The following ST8SIA2 variants were observed in gnomAD, a reference collection of about 807,000 sequenced individuals.
The protein encoded by ST8SIA2 is ST8 alpha-N-acetyl-neuraminide alpha-2,8-sialyltransferase 2, also known as alpha-2,8-sialyltransferase 8B.
A neutral mutation model predicts 37.6 loss-of-function variants in ST8SIA2; 22 were observed. That is an observed-to-expected ratio of 0.58 (90% CI 0.42 to 0.83). ST8SIA2 has a LOEUF of 0.83. Among genes scored for constraint, ST8SIA2 ranks in the 40% least tolerant of loss-of-function variants. The pLI, the probability that ST8SIA2 is intolerant of heterozygous loss-of-function variation, is 0.00. For missense variants in ST8SIA2, 382 were observed against 484.7 expected (o/e 0.79, Z 1.99); for synonymous variants, 205 against 201.2 (o/e 1.02, Z -0.16).
chr15:92,444,301 A>G (rs754580047), intron 4 of ST8SIA2, among the ~76,000 whole-genome samples: 6 of 152,188 alleles, frequency 3.9e-5, no homozygotes, highest in Non-Finnish European at 8.8e-5. Context: ...CTAATGGGCC[A>G]GATCACTCTT....
At chr15:92,403,644 C>T (rs2049486949) in intron 1 of ST8SIA2, among the ~76,000 whole-genome samples, 1 of 152,044 alleles carries the variant, frequency 6.6e-6, no homozygotes, top group Non-Finnish European at 1.5e-5. Context: ...TTGGTAACTG[C>T]CAGAGTAGCT....
At chr15:92,441,082 G>A (rs1382398406) in intron 4 of ST8SIA2, among the ~76,000 whole-genome samples, 1 of 152,180 alleles carries the variant, frequency 6.6e-6, no homozygotes, top group African/African-American at 2.4e-5. Context: ...CCTGATGGAG[G>A]TTTCTGTCTC....
At chr15:92,450,680 C>T (rs2049875403) in intron 5 of ST8SIA2, among the ~76,000 whole-genome samples, 1 of 152,234 alleles carries the variant, frequency 6.6e-6, no homozygotes, top group Non-Finnish European at 1.5e-5. Flanking sequence ...ATGGTGCTAA[C>T]CCATTCACAA....
chr15:92,418,705 A>G (rs976054214), intron 1 of ST8SIA2, among the ~76,000 whole-genome samples: 2 of 152,116 alleles, frequency 1.3e-5, no homozygotes, highest in Admixed American at 1.3e-4. Flanking sequence ...TTGAAAATAT[A>G]TATGTATATA....
intron 5 of ST8SIA2, among the ~76,000 whole-genome samples, chr15:92,462,419 TC>T (rs2049963791): frequency 6.6e-6 from 1 of 152,192 alleles, no homozygotes; most frequent in Non-Finnish European, 1.5e-5. Flanking sequence ...TTTATGGGTT[TC>T]CTTTTATGAG....
At chr15:92,418,830 G>A (rs2049608993) in intron 1 of ST8SIA2, among the ~76,000 whole-genome samples, 1 of 152,168 alleles carries the variant, frequency 6.6e-6, no homozygotes, top group South Asian at 2.1e-4. Flanking sequence ...GGAACAGTAG[G>A]ATCAAGGAGG....
chr15:92,457,442 G>C (rs1285004514), intron 5 of ST8SIA2, among the ~76,000 whole-genome samples: 2 of 152,172 alleles, frequency 1.3e-5, no homozygotes, highest in East Asian at 3.8e-4. Context: ...ATTTGGGGTA[G>C]CCAATTTGAA....
In ST8SIA2 at chr15:92,425,444, A is replaced by G. The variant is rs145174547; in HGVS notation, c.99-4605A>G. Among the ~76,000 whole-genome samples the G allele has an allele frequency of 1.4e-4, 21 of 152,334 alleles. No homozygotes were observed. In the East Asian group the frequency reaches 1.9e-3, roughly 14 times the overall value. On this transcript the variant is annotated intron_variant, in intron 1 of 5. Coordinates refer to ENST00000268164, the MANE Select transcript of ST8SIA2 (RefSeq NM_006011.4). ...GCCTGATTTGCTTCACTGAGTCCCA[A>G]TGGGGCAAAGCACTGTGCAAGGCTA...
At chr15:92,445,598 T>TG (rs1468722350) in intron 5 of ST8SIA2, among the ~76,000 whole-genome samples, 1 of 152,168 alleles carries the variant, frequency 6.6e-6, no homozygotes, top group African/African-American at 2.4e-5. Flanking sequence ...CTCTCTAAGA[T>TG]GGAGGGGAAC....
chr15:92,448,441 C>T (rs1410907439), intron 5 of ST8SIA2, among the ~76,000 whole-genome samples: 1 of 152,194 alleles, frequency 6.6e-6, no homozygotes, highest in Non-Finnish European at 1.5e-5. Flanking sequence ...TACAAAGTCA[C>T]ACGAGAAAAG....
chr15:92,440,617 C>T (rs1445138723), intron 4 of ST8SIA2, among the ~76,000 whole-genome samples: 2 of 152,162 alleles, frequency 1.3e-5, no homozygotes, highest in African/African-American at 4.8e-5. Flanking sequence ...TGGGGTGGAC[C>T]TGTGGGGTGT....
intron 1 of ST8SIA2, among the ~76,000 whole-genome samples, chr15:92,413,995 A>G (rs530261857): frequency 2.0e-5 from 3 of 152,322 alleles, no homozygotes; most frequent in Non-Finnish European, 4.4e-5. Flanking sequence ...GGCCCAGCCC[A>G]AAGTGGGAGT....
chr15:92,420,113 C>A (rs753483324), intron 1 of ST8SIA2, among the ~76,000 whole-genome samples: 3 of 152,182 alleles, frequency 2.0e-5, no homozygotes, highest in Non-Finnish European at 4.4e-5. Flanking sequence ...GATCTGCCTG[C>A]CTTGGCCTCC....
chr15:92,401,469 C>T (rs559312313), intron 1 of ST8SIA2, among the ~76,000 whole-genome samples: 1 of 152,342 alleles, frequency 6.6e-6, no homozygotes, highest in Admixed American at 6.5e-5. Flanking sequence ...TCAGCTTTGG[C>T]TGTCACTGAC....
At chr15:92,462,732 TG>T (rs1414884819) in intron 5 of ST8SIA2, among the ~76,000 whole-genome samples, 1 of 152,224 alleles carries the variant, frequency 6.6e-6, no homozygotes, top group Non-Finnish European at 1.5e-5. Flanking sequence ...GAATTGTGTC[TG>T]GTCTAGAGAC....
intron 5 of ST8SIA2, among the ~76,000 whole-genome samples, chr15:92,458,854 A>G (rs1456553184): frequency 6.6e-6 from 1 of 152,212 alleles, no homozygotes; most frequent in East Asian, 1.9e-4. Context: ...TAAGCACAAT[A>G]AGAGAAGTAG....
chr15:92,417,650 T>C (rs537705249), intron 1 of ST8SIA2: 1 of 152,318 alleles, frequency 6.6e-6, no homozygotes, highest in South Asian at 2.1e-4. Flanking sequence ...GCTGCCAACC[T>C]CTTGGTTAAG....
chr15:92,394,436 C>T (rs1333419503), intron 1 of ST8SIA2, among the ~76,000 whole-genome samples: 1 of 152,026 alleles, frequency 6.6e-6, no homozygotes, highest in Non-Finnish European at 1.5e-5. Context: ...GCCCACCCTG[C>T]CCCCCTGCCT....
At chr15:92,432,570 C>T (rs1208249914) in intron 2 of ST8SIA2, among the ~76,000 whole-genome samples, 3 of 152,176 alleles carry the variant, frequency 2.0e-5, no homozygotes, top group South Asian at 2.1e-4. Flanking sequence ...GTACCCAATG[C>T]GTCTTGCATG....
Sources: allele counts gnomAD v4.1 joint callset (sites outside exome capture counted in the v4.1 genomes callset), GRCh38; gene constraint gnomAD v4.1.1; transcripts MANE v1.5; gene names NCBI Gene and HGNC (gene_info 2026-07-23, HGNC 2026-07-21).